The following SLC16A10 variants were observed in gnomAD, a reference collection of about 807,000 sequenced individuals.
The protein encoded by SLC16A10 is monocarboxylate transporter 10.
Under a neutral mutation model 40.0 loss-of-function variants are expected in SLC16A10, and 27 were observed. That is an observed-to-expected ratio of 0.67 (90% CI 0.50 to 0.93). SLC16A10 has a LOEUF of 0.93. SLC16A10 is among the 40% of genes least tolerant of loss of function. The pLI is 0.00. For synonymous variants in SLC16A10, 213 were observed against 249.8 expected, an observed-to-expected ratio of 0.85 and a Z score of 1.39; for missense variants, 529 against 658.2, an observed-to-expected ratio of 0.80 and a Z score of 2.15.
intron 5 of SLC16A10, among the ~76,000 whole-genome samples, chr6:111,219,282 G>A (rs774423869): frequency 3.9e-4 from 60 of 152,086 alleles, no homozygotes; most frequent in Non-Finnish European, 2.9e-4. Context: ...AACACTTTGG[G>A]AGGCTGAGGC....
chr6:111,137,464 C>A (rs764640109), intron 1 of SLC16A10, among the ~76,000 whole-genome samples: 4 of 152,208 alleles, frequency 2.6e-5, no homozygotes, highest in Non-Finnish European at 5.9e-5. Flanking sequence ...ATCCCTGAAT[C>A]TTTAACCTCC....
chr6:111,196,050 C>G (rs1773075077), intron 3 of SLC16A10, among the ~76,000 whole-genome samples: 1 of 62,282 alleles, frequency 1.6e-5, no homozygotes, highest in Admixed American at 1.7e-4. Context: ...GAGATGCCAT[C>G]TCTACAAAAA....
intron 3 of SLC16A10, 86 bp downstream of exon 3, chr6:111,177,751 TG>T: frequency 7.9e-7 from 1 of 1,272,730 alleles, no homozygotes; most frequent in African/African-American, 1.5e-5. Flanking sequence ...GAGTTAAAGT[TG>T]GCCTCAAACA....
At position 111,222,024 on chromosome 6, in the gene SLC16A10, G is replaced by A. The variant is rs775897118; in HGVS notation, c.1337G>A (p.Gly446Asp). 6 of 1,605,406 alleles carry A rather than the reference G, an allele frequency of 3.7e-6. No individual in the cohort carries two copies. The South Asian group carries it at 5.6e-5, about 15-fold the overall frequency. ...TCAGGGTTACTTCGTGACAAACTGG[G>A]CTCCTATGATGTGGCATTCTACCTC... The part of the protein sequence containing the change: ...PIAGLLRDKL[G>D]SYDVAFYLAG... Residue 446 changes from glycine to aspartate, a missense_variant, in exon 6 of 6, where the codon GGC becomes GAC. Transcript: ENST00000368851.
chr6:111,110,674 AG>A (rs1480666918), intron 1 of SLC16A10, among the ~76,000 whole-genome samples: 1 of 152,158 alleles, frequency 6.6e-6, no homozygotes, highest in Non-Finnish European at 1.5e-5. Flanking sequence ...ATTAGTGATA[AG>A]GAAAAGGTTT....
chr6:111,094,967 G>A (rs1029255295), intron 1 of SLC16A10, among the ~76,000 whole-genome samples: 1 of 152,190 alleles, frequency 6.6e-6, no homozygotes, highest in Non-Finnish European at 1.5e-5. Flanking sequence ...GCAACAATTA[G>A]TCATAACCCC....
At chr6:111,145,061 G>A (rs2114507834) in intron 1 of SLC16A10, among the ~76,000 whole-genome samples, 1 of 152,074 alleles carries the variant, frequency 6.6e-6, no homozygotes, top group East Asian at 1.9e-4. Flanking sequence ...TTGAACTCCT[G>A]GGCTCAAGCA....
At chr6:111,195,187 G>T (rs1304653313) in intron 3 of SLC16A10, among the ~76,000 whole-genome samples, 1 of 152,196 alleles carries the variant, frequency 6.6e-6, no homozygotes, top group Non-Finnish European at 1.5e-5. Context: ...GTTACAGAAA[G>T]GAGAAATAAA....
Position 111,228,104 on chromosome 6 carries a change from A to G in SLC16A10, c.*5869A>G, listed in dbSNP as rs976146357. The G allele has an allele frequency of 2.6e-5, 4 of 152,226 alleles. No homozygotes were observed. The highest frequency in any genetic ancestry group is 9.6e-5 in the African/African-American group (4 of 41,466). The allele number at this position is 152,226 out of a possible 1,614,324, so 9.4% of individuals were successfully genotyped here. On this transcript the variant is annotated 3_prime_UTR_variant, in exon 6 of 6. Coordinates refer to ENST00000368851, the MANE Select transcript of SLC16A10 (RefSeq NM_018593.5). ...AAATTCAGAATCTAGATACACTTAG[A>G]TTCTAAATTAGACACACTCAGATTC...
chr6:111,128,180 G>T (rs943515971), intron 1 of SLC16A10, among the ~76,000 whole-genome samples: 2 of 152,058 alleles, frequency 1.3e-5, no homozygotes, highest in Non-Finnish European at 2.9e-5. Flanking sequence ...ATCATCAATT[G>T]GTTAGCATTC....
intron 1 of SLC16A10, among the ~76,000 whole-genome samples, chr6:111,144,448 C>A (rs1772040499): frequency 6.6e-6 from 1 of 152,164 alleles, no homozygotes; most frequent in Non-Finnish European, 1.5e-5. Context: ...CGTGATCTGC[C>A]CGCCTCAGCC....
At chr6:111,175,895 A>C (rs947921525) in intron 2 of SLC16A10, among the ~76,000 whole-genome samples, 1 of 151,410 alleles carries the variant, frequency 6.6e-6, no homozygotes, top group Non-Finnish European at 1.5e-5. Flanking sequence ...TTTTAAATAG[A>C]GATGGGGTTT....
intron 3 of SLC16A10, among the ~76,000 whole-genome samples, chr6:111,186,622 C>CT (rs1425570379): frequency 6.6e-6 from 1 of 152,108 alleles, no homozygotes; most frequent in Non-Finnish European, 1.5e-5. Context: ...GTCACTAACT[C>CT]TAAGGATCAT....
At chr6:111,186,968 TG>T (rs1429455562) in intron 3 of SLC16A10, among the ~76,000 whole-genome samples, 1 of 152,180 alleles carries the variant, frequency 6.6e-6, no homozygotes, top group Non-Finnish European at 1.5e-5. Flanking sequence ...ATGCAATCCC[TG>T]TATCTCTGTA....
chr6:111,193,599 G>T (rs1773032042), intron 3 of SLC16A10, among the ~76,000 whole-genome samples: 1 of 152,124 alleles, frequency 6.6e-6, no homozygotes. Flanking sequence ...AAACAAAGCT[G>T]CTGCTTATAG....
intron 1 of SLC16A10, among the ~76,000 whole-genome samples, chr6:111,089,104 C>G (rs1331547723): frequency 6.6e-6 from 1 of 150,694 alleles, no homozygotes; most frequent in Non-Finnish European, 1.5e-5. Context: ...GATTAATAGT[C>G]TTTTTTTTTA....
At chr6:111,175,280 G>C (rs1772658894) in intron 2 of SLC16A10, among the ~76,000 whole-genome samples, 2 of 152,168 alleles carry the variant, frequency 1.3e-5, no homozygotes, top group Admixed American at 1.3e-4. Flanking sequence ...ATGTGTTACT[G>C]AAGGGAAAAC....
chr6:111,092,081 G>C (rs1258398394), intron 1 of SLC16A10, among the ~76,000 whole-genome samples: 2 of 152,138 alleles, frequency 1.3e-5, no homozygotes, highest in Non-Finnish European at 2.9e-5. Context: ...GGGTGGGGAA[G>C]GCATTTGACG....
At chr6:111,163,087 A>G (rs1042777646) in intron 1 of SLC16A10, among the ~76,000 whole-genome samples, 2 of 152,094 alleles carry the variant, frequency 1.3e-5, no homozygotes, top group Non-Finnish European at 2.9e-5. Context: ...AATAACAGTC[A>G]AAGCCATGAT....
Sources: gnomAD v4.1 joint callset for allele counts (sites outside exome capture counted in the v4.1 genomes callset) on GRCh38, gnomAD v4.1.1 for gene constraint, MANE v1.5 for transcripts, NCBI Gene and HGNC (gene_info 2026-07-23, HGNC 2026-07-21) for gene names.